The following NOSTRIN variants were observed in gnomAD, a reference collection of about 807,000 sequenced individuals.
The protein encoded by NOSTRIN is BM247 homolog.
A neutral mutation model predicts 59.0 loss-of-function variants in NOSTRIN; 63 were observed. That is an observed-to-expected ratio of 1.07 (90% CI 0.87 to 1.32). NOSTRIN has a LOEUF of 1.32. NOSTRIN is among the 40% of genes most tolerant of loss of function. The pLI is 0.00. For missense variants in NOSTRIN, 512 were observed against 473.1 expected (o/e 1.08, Z -0.76); for synonymous variants, 200 against 165.4 (o/e 1.21, Z -1.61).
chr2:168,852,417 G>A (rs1468383931), intron 10 of NOSTRIN, among the ~76,000 whole-genome samples: 1 of 152,136 alleles, frequency 6.6e-6, no homozygotes, highest in Non-Finnish European at 1.5e-5. Flanking sequence ...GTCCTTCTGG[G>A]TCAAGCCTCA....
In NOSTRIN at chr2:168,840,462, G is replaced by A. The variant is rs187228015; in HGVS notation, c.505-2530G>A. On this transcript the variant is annotated intron_variant, in intron 7 of 15. Coordinates refer to ENST00000317647, the MANE Select transcript of NOSTRIN (RefSeq NM_001039724.4). ...GGAGAATGGCGTGAACCCCGGAGGCGGAGCTTGCAGTGAGCTGAGATCGTG... is the reference window on the plus strand; with the variant it reads ...GGAGAATGGCGTGAACCCCGGAGGCAGAGCTTGCAGTGAGCTGAGATCGTG... Among the ~76,000 whole-genome samples, 535 of 150,732 alleles carry A rather than the reference G, an allele frequency of 3.5e-3. 5 individuals carry two copies. Among genetic ancestry groups the A allele is most frequent in the African/African-American group, 0.012 (493 of 40,764 alleles).
chr2:168,797,235 A>G (rs149661704), upstream of NOSTRIN, among the ~76,000 whole-genome samples: 387 of 151,456 alleles, frequency 2.6e-3, 1 homozygote, highest in African/African-American at 9.0e-3. Flanking sequence ...GACTACAGGT[A>G]CGTACCACCA....
At chr2:168,858,153 T>C (rs1328774651) in intron 12 of NOSTRIN, among the ~76,000 whole-genome samples, 1 of 152,238 alleles carries the variant, frequency 6.6e-6, no homozygotes, top group Non-Finnish European at 1.5e-5. Context: ...AATTTTGTCA[T>C]TGTCATTACC....
intron 14 of NOSTRIN, among the ~76,000 whole-genome samples, chr2:168,861,652 T>C (rs762635208): frequency 3.9e-5 from 6 of 152,182 alleles, no homozygotes; most frequent in Non-Finnish European, 7.4e-5. Flanking sequence ...GCAAAACTGG[T>C]GAATGTTTTC....
At chr2:168,863,298 T>C (rs1689593383) in intron 15 of NOSTRIN, 1 of 571,064 alleles carries the variant, frequency 1.8e-6, no homozygotes, top group South Asian at 7.9e-5. Context: ...CCGAGAATAA[T>C]GTCCTTTAAG....
At position 168,793,092 on chromosome 2, in the gene NOSTRIN, G is replaced by A. The variant is rs79257472; in HGVS notation, c.-473+5044G>A. Among the ~76,000 whole-genome samples the A allele has an allele frequency of 8.9e-3, 1,350 of 152,244 alleles. 15 individuals carry two copies. Among genetic ancestry groups the A allele is most frequent in the African/African-American group, 0.031 (1,272 of 41,544 alleles). On this transcript the variant is annotated intron_variant, in intron 2 of 20. Coordinates refer to the NOSTRIN transcript ENST00000458381. ...GGAAGATACCAGAAACTTGGGCTTC[G>A]TTCTAGATTCCTCCCACTCCCTCAT...
At chr2:168,809,231 CTG>C (rs1445186937) in intron 1 of NOSTRIN, among the ~76,000 whole-genome samples, 1 of 152,210 alleles carries the variant, frequency 6.6e-6, no homozygotes, top group Non-Finnish European at 1.5e-5. Context: ...TCTTTCCACT[CTG>C]TGATCTTAAT....
chr2:168,811,954 T>C (rs1686161117), intron 2 of NOSTRIN: 1 of 202,000 alleles, frequency 5.0e-6, no homozygotes, highest in Admixed American at 6.0e-5. Flanking sequence ...CATAGTCTCA[T>C]TATTGTACTT....
At chr2:168,844,711 A>G (rs1688303602) in intron 8 of NOSTRIN, among the ~76,000 whole-genome samples, 1 of 152,144 alleles carries the variant, frequency 6.6e-6, no homozygotes, top group Admixed American at 6.5e-5. Flanking sequence ...TCTACTAAAA[A>G]TAGAAAAAAT....
At chr2:168,818,836 A>AC (rs1263488331) in intron 2 of NOSTRIN, among the ~76,000 whole-genome samples, 1 of 77,312 alleles carries the variant, frequency 1.3e-5, no homozygotes, top group African/African-American at 4.0e-5. Flanking sequence ...TTAGCATATT[A>AC]AAAAATTTTT....
chr2:168,832,837 A>G (rs9287904), intron 6 of NOSTRIN, among the ~76,000 whole-genome samples: 34,828 of 152,034 alleles, frequency 0.23, 4,638 homozygotes, highest in East Asian at 0.29. Context: ...GCCCAGGCTG[A>G]TCCCGAACTC....
intron 2 of NOSTRIN, among the ~76,000 whole-genome samples, chr2:168,792,119 C>T (rs1212525562): frequency 6.6e-6 from 1 of 152,076 alleles, no homozygotes; most frequent in African/African-American, 2.4e-5. Flanking sequence ...GGTTTTAGGT[C>T]TAACATGTAA....
chr2:168,863,403 A>G (rs1446975537), intron 15 of NOSTRIN: 1 of 984,602 alleles, frequency 1.0e-6, no homozygotes, highest in Non-Finnish European at 1.2e-6. Context: ...GAAAAGAGTG[A>G]AAGGAAGACT....
At chr2:168,853,055 G>A (rs898095306) in intron 10 of NOSTRIN, among the ~76,000 whole-genome samples, 1 of 152,092 alleles carries the variant, frequency 6.6e-6, no homozygotes, top group Non-Finnish European at 1.5e-5. Context: ...TTTGACTAGG[G>A]TTCTACCAAA....
At position 168,859,649 on chromosome 2, in the gene NOSTRIN, G is replaced by A. The variant is rs1169591656; in HGVS notation, c.1179+12G>A. ...GGTGGAGGGAAAAGGTAACATTTAA[G>A]GAGACTGGTTGTAATTTCTTGATTG... On this transcript the variant is annotated intron_variant, in intron 13 of 15. Transcript: ENST00000317647. 2 of 1,613,150 alleles carry A rather than the reference G, an allele frequency of 1.2e-6. No individual in the cohort carries two copies. The highest frequency in any genetic ancestry group is 8.5e-7 in the Non-Finnish European group (1 of 1,179,698).
intron 2 of NOSTRIN, among the ~76,000 whole-genome samples, chr2:168,789,244 T>C (rs1685284723): frequency 6.6e-6 from 1 of 152,212 alleles, no homozygotes; most frequent in Admixed American, 6.5e-5. Context: ...ATTAATAAGC[T>C]GGTGTATTAG....
At chr2:168,862,756 C>CTTCTTTATTTAT (rs143166986) in intron 15 of NOSTRIN, among the ~76,000 whole-genome samples, 4 of 151,666 alleles carry the variant, frequency 2.6e-5, no homozygotes, top group Admixed American at 2.0e-4. Context: ...CAGCCTCAAC[C>CTTCTTTATTTAT]TTCTTTATGT....
At chr2:168,847,691 A>G (rs1436959060) in intron 8 of NOSTRIN, among the ~76,000 whole-genome samples, 3 of 152,184 alleles carry the variant, frequency 2.0e-5, no homozygotes, top group Non-Finnish European at 2.9e-5. Context: ...CCTTGACCAC[A>G]CTTTGTTCAT....
In NOSTRIN at chr2:168,825,045, C is replaced by T. The variant is rs1007599099; in HGVS notation, c.197+328C>T. 3.3e-5 allele frequency among the ~76,000 whole-genome samples: 5 copies of T among 152,176 alleles called. No individual in the cohort carries two copies. In the East Asian group the frequency reaches 9.6e-4, roughly 29 times the overall value. ...AAGTTCTGGGATTACATGTGTGAGCCACCACACCCAGCAAAATCATTCTTA... is the reference window on the plus strand; with the variant it reads ...AAGTTCTGGGATTACATGTGTGAGCTACCACACCCAGCAAAATCATTCTTA... On this transcript the variant is annotated intron_variant, in intron 3 of 15. Transcript: ENST00000317647.
Sources: gnomAD v4.1 joint callset for allele counts (sites outside exome capture counted in the v4.1 genomes callset) on GRCh38, gnomAD v4.1.1 for gene constraint, MANE v1.5 for transcripts, NCBI Gene and HGNC (gene_info 2026-07-23, HGNC 2026-07-21) for gene names.